ESRRG: variants seen among roughly 807,000 people sequenced by gnomAD.
ESRRG encodes the protein estrogen-related receptor gamma.
In ESRRG, 13 loss-of-function variants were observed where a neutral mutation model predicts 44.0. The ratio of observed to expected loss-of-function variants is 0.30; its 90% CI spans 0.19 to 0.47. ESRRG has a LOEUF of 0.47. Ranked by LOEUF, ESRRG falls within the 20% of genes least tolerant of loss-of-function variation. The probability of loss-of-function intolerance (pLI) is 1.00; values close to 1 mark genes in which losing one functional copy is unlikely to be tolerated. For synonymous variants in ESRRG, 215 were observed against 214.6 expected (o/e 1.00, Z -0.02); for missense variants, 395 against 580.6 (o/e 0.68, Z 3.29).
chr1:216,962,684 T>C (rs755879184), intron 1 of ESRRG, among the ~76,000 whole-genome samples: 11 of 152,182 alleles, frequency 7.2e-5, no homozygotes, highest in Non-Finnish European at 1.5e-5. Context: ...CCAGAATGTA[T>C]GAACAGAAGT....
intron 5 of ESRRG, among the ~76,000 whole-genome samples, chr1:216,527,549 A>T (rs1213931116): frequency 4.0e-5 from 6 of 151,896 alleles, no homozygotes; most frequent in Admixed American, 3.9e-4. Flanking sequence ...TCCTCTAGTA[A>T]TTCCTCCATG....
intron 3 of ESRRG, among the ~76,000 whole-genome samples, chr1:216,648,354 G>A (rs1453406493): frequency 6.6e-6 from 1 of 152,066 alleles, no homozygotes; most frequent in Non-Finnish European, 1.5e-5. Context: ...CTGATATTTT[G>A]CCATCGAAGT....
At chr1:216,917,905 T>C (rs2061385970) in intron 2 of ESRRG, among the ~76,000 whole-genome samples, 1 of 152,242 alleles carries the variant, frequency 6.6e-6, no homozygotes, top group Non-Finnish European at 1.5e-5. Context: ...ATAGTATATG[T>C]AGCAAATTCC....
chr1:216,891,315 T>A lies in ESRRG; in HGVS notation c.-14+48267A>T, dbSNP rs577722760. Among the ~76,000 whole-genome samples the A allele has an allele frequency of 9.2e-5, 14 of 152,354 alleles. 1 individual carries two copies. The South Asian group carries it at 2.9e-3, about 32-fold the overall frequency. On this transcript the variant is annotated intron_variant, in intron 2 of 7. Coordinates refer to the ESRRG transcript ENST00000359162. Reference sequence around the variant, plus strand: ...TGGAGTTTTAGTAAAACGGTGAAGCTTATTACAATCAATCCTGTGGCTGAA... The same window carrying A: ...TGGAGTTTTAGTAAAACGGTGAAGCATATTACAATCAATCCTGTGGCTGAA...
chr1:216,607,457 G>C (rs968285396), intron 3 of ESRRG, among the ~76,000 whole-genome samples: 1 of 152,170 alleles, frequency 6.6e-6, no homozygotes, highest in East Asian at 1.9e-4. Context: ...CGCTTGCACG[G>C]CAATTTACAT....
chr1:216,655,566 C>T (rs536253978), intron 2 of ESRRG, among the ~76,000 whole-genome samples: 2 of 152,188 alleles, frequency 1.3e-5, no homozygotes, highest in East Asian at 3.9e-4. Context: ...AATCAGTGGT[C>T]CTAGCATCTT....
chr1:216,995,915 A>G (rs2076314387), intron 1 of ESRRG, among the ~76,000 whole-genome samples: 1 of 152,178 alleles, frequency 6.6e-6, no homozygotes, highest in Admixed American at 6.5e-5. Flanking sequence ...TCCTATGCAC[A>G]TAAAGAACAG....
chr1:217,137,459 C>T (rs533146379), intron 1 of ESRRG, among the ~76,000 whole-genome samples: 1 of 152,366 alleles, frequency 6.6e-6, no homozygotes, highest in African/African-American at 2.4e-5. Flanking sequence ...GCGCGTCTCC[C>T]TTTCCAGCCC....
At chr1:216,663,324 A>C (rs1015051807) in intron 2 of ESRRG, among the ~76,000 whole-genome samples, 1 of 152,194 alleles carries the variant, frequency 6.6e-6, no homozygotes, top group African/African-American at 2.4e-5. Flanking sequence ...TTTTGTGCTT[A>C]TCTCTGATCG....
chr1:216,552,292 T>C (rs2056564119), intron 5 of ESRRG, among the ~76,000 whole-genome samples: 1 of 152,144 alleles, frequency 6.6e-6, no homozygotes, highest in East Asian at 1.9e-4. Context: ...GCAGGAATAG[T>C]ATACTCTTTT....
intron 3 of ESRRG, among the ~76,000 whole-genome samples, chr1:216,610,391 A>G (rs948503586): frequency 1.3e-5 from 2 of 152,290 alleles, no homozygotes; most frequent in African/African-American, 4.8e-5. Flanking sequence ...AAGTCCATGC[A>G]GCTTGCAGGG....
intron 3 of ESRRG, among the ~76,000 whole-genome samples, chr1:216,576,475 T>C (rs932757438): frequency 6.6e-6 from 1 of 152,010 alleles, no homozygotes; most frequent in South Asian, 2.1e-4. Flanking sequence ...GATAGCTATC[T>C]GGACTATTAA....
intron 1 of ESRRG, among the ~76,000 whole-genome samples, chr1:216,687,251 C>T (rs2078180852): frequency 6.6e-6 from 1 of 152,070 alleles, no homozygotes; most frequent in African/African-American, 2.4e-5. Context: ...AGAAATGGTT[C>T]TGCTTTTGCT....
intron 1 of ESRRG, among the ~76,000 whole-genome samples, chr1:217,103,467 G>A (rs76788643): frequency 0.047 from 6,900 of 148,212 alleles, 237 homozygotes; most frequent in Middle Eastern, 0.099. Context: ...GCAACACAGC[G>A]ATACCTCATC....
chr1:216,733,987 TA>T (rs397796087), intron 2 of ESRRG, among the ~76,000 whole-genome samples: 9,076 of 107,192 alleles, frequency 0.085, 340 homozygotes, highest in African/African-American at 0.13. Context: ...CAAGACTCTG[TA>T]AAAAAAAAAA....
chr1:216,623,929 G>T (rs1480705732), intron 3 of ESRRG, among the ~76,000 whole-genome samples: 1 of 151,674 alleles, frequency 6.6e-6, no homozygotes, highest in Non-Finnish European at 1.5e-5. Flanking sequence ...TATTCAGGTG[G>T]TCCAAATGTA....
chr1:216,715,340 A>C, intron 1 of ESRRG: 44 of 588,466 alleles, frequency 7.5e-5, no homozygotes, highest in Middle Eastern at 8.4e-4. Flanking sequence ...CATGGTTCTC[A>C]CCAACCATAT....
chr1:216,604,093 T>TA (rs986908000), intron 3 of ESRRG, among the ~76,000 whole-genome samples: 18 of 151,998 alleles, frequency 1.2e-4, no homozygotes, highest in Non-Finnish European at 2.1e-4. Context: ...CCACCTGTGT[T>TA]AGAGTCCAGA....
intron 1 of ESRRG, among the ~76,000 whole-genome samples, chr1:217,059,016 AAAC>A (rs2087776463): frequency 6.7e-6 from 1 of 148,524 alleles, no homozygotes; most frequent in East Asian, 1.9e-4. Context: ...ATATATGAAT[AAAC>A]AAAATAAATT....
Sources: allele counts gnomAD v4.1 joint callset (sites outside exome capture counted in the v4.1 genomes callset), GRCh38; gene constraint gnomAD v4.1.1; transcripts MANE v1.5; gene names NCBI Gene and HGNC (gene_info 2026-07-23, HGNC 2026-07-21).